DYRK1A: variants seen among roughly 807,000 people sequenced by gnomAD.
DYRK1A encodes the protein dual specificity tyrosine phosphorylation regulated kinase 1A.
DYRK1A carries 9 observed loss-of-function variants against 79.7 expected under a neutral mutation model. That is an observed-to-expected ratio of 0.11 (90% CI 0.07 to 0.20). DYRK1A has a LOEUF of 0.20. Ranked by LOEUF, DYRK1A falls within the 10% of genes least tolerant of loss-of-function variation. DYRK1A has a pLI of 1.00. For missense variants in DYRK1A, 622 were observed against 956.0 expected (o/e 0.65, Z 4.61); for synonymous variants, 349 against 329.7 (o/e 1.06, Z -0.63).
chr21:37,393,040 A>G (rs1434933818), intron 1 of DYRK1A, among the ~76,000 whole-genome samples: 3 of 152,222 alleles, frequency 2.0e-5, no homozygotes, highest in Non-Finnish European at 4.4e-5. Flanking sequence ...ACATCTTCCA[A>G]AATCCTCATC....
Position 37,514,642 on chromosome 21 carries a change from TTTG to T in DYRK1A, c.*2117_*2119del, listed in dbSNP as rs2053849912. ...TCGTTTTTATAAACTACAAAAACTT[TTTG>T]TTGTTTATCAGGAAATCCATATTTA... On this transcript the variant is annotated 3_prime_UTR_variant, in exon 12 of 12. Coordinates refer to ENST00000647188, the MANE Select transcript of DYRK1A (RefSeq NM_001347721.2). The T allele has an allele frequency of 6.6e-6, 1 of 152,636 alleles. No homozygotes were observed. Among genetic ancestry groups the T allele is most frequent in the Non-Finnish European group, 1.5e-5 (1 of 68,040 alleles). 9.5% of individuals were successfully genotyped at this position (152,636 alleles called of 1,614,324 possible). A position where few individuals can be genotyped will look rare whatever the true frequency, so the allele number is the denominator to read the frequency against.
intron 2 of DYRK1A, chr21:37,430,418 A>G: frequency 1.0e-6 from 1 of 985,118 alleles, no homozygotes; most frequent in Non-Finnish European, 1.2e-6. Context: ...ACATTTTAAA[A>G]GATGATTTAA....
At chr21:37,459,194 A>G (rs1336257408) in intron 2 of DYRK1A, among the ~76,000 whole-genome samples, 1 of 152,172 alleles carries the variant, frequency 6.6e-6, no homozygotes, top group Non-Finnish European at 1.5e-5. Flanking sequence ...CTGGCTTACC[A>G]TCTTTGATGG....
intron 1 of DYRK1A, among the ~76,000 whole-genome samples, chr21:37,401,115 G>C (rs993021262): frequency 2.6e-5 from 4 of 152,126 alleles, no homozygotes; most frequent in Non-Finnish European, 4.4e-5. Flanking sequence ...CTGCACTCCA[G>C]CTTGGGCGAC....
At chr21:37,491,356 C>CA (rs977380102) in intron 7 of DYRK1A, among the ~76,000 whole-genome samples, 1 of 152,040 alleles carries the variant, frequency 6.6e-6, no homozygotes, top group African/African-American at 2.4e-5. Context: ...TCATTTTAAG[C>CA]ACTATTCTTT....
chr21:37,492,335 A>G (rs2053123986), intron 7 of DYRK1A, among the ~76,000 whole-genome samples: 1 of 152,146 alleles, frequency 6.6e-6, no homozygotes, highest in Non-Finnish European at 1.5e-5. Flanking sequence ...TTTCTTTTCC[A>G]CTTTTAATAA....
At chr21:37,426,307 C>T (rs1276139738) in intron 2 of DYRK1A, among the ~76,000 whole-genome samples, 1 of 152,078 alleles carries the variant, frequency 6.6e-6, no homozygotes, top group Non-Finnish European at 1.5e-5. Flanking sequence ...GAGCAGTGGA[C>T]AGGGATCATA....
intron 1 of DYRK1A, among the ~76,000 whole-genome samples, chr21:37,406,671 C>T (rs960208512): frequency 9.2e-5 from 14 of 151,500 alleles, no homozygotes; most frequent in Admixed American, 2.6e-4. Context: ...CACAGCACTC[C>T]AGCCTGGGAT....
At chr21:37,440,229 G>A (rs567199801) in intron 2 of DYRK1A, among the ~76,000 whole-genome samples, 2 of 139,422 alleles carry the variant, frequency 1.4e-5, no homozygotes, top group Admixed American at 1.6e-4. Context: ...TCCGCCCCCT[G>A]GGTTCAAGTG....
At chr21:37,489,731 G>C (rs2053011856) in intron 6 of DYRK1A, among the ~76,000 whole-genome samples, 2 of 152,096 alleles carry the variant, frequency 1.3e-5, no homozygotes, top group Admixed American at 1.3e-4. Flanking sequence ...TACACAGAGG[G>C]CTGCCAACTA....
In DYRK1A at chr21:37,523,944, C is replaced by G. The variant is rs145629052; in HGVS notation, c.*11413C>G. On this transcript the variant is annotated 3_prime_UTR_variant, in exon 12 of 12. Transcript: ENST00000647188. ...CTGCCGCTCTGTGCAATGTAAATTG[C>G]AGTGACACAGTTATAACTCAGCAGC... The G allele has an allele frequency of 6.6e-6, 1 of 152,328 alleles. No homozygotes were observed. The highest frequency in any genetic ancestry group is 2.4e-5 in the African/African-American group (1 of 41,578). 9.4% of individuals were successfully genotyped at this position (152,328 alleles called of 1,614,324 possible).
At chr21:37,398,926 A>G (rs956353518) in intron 1 of DYRK1A, among the ~76,000 whole-genome samples, 22 of 150,504 alleles carry the variant, frequency 1.5e-4, no homozygotes, top group Admixed American at 5.3e-4. Context: ...TTTTTTTTAA[A>G]CCGCAGAGAG....
At chr21:37,486,639 GT>G in intron 6 of DYRK1A, 25 bp downstream of exon 6, 1 of 1,486,306 alleles carries the variant, frequency 6.7e-7, no homozygotes, top group South Asian at 1.4e-5. Flanking sequence ...AAACAGCGCA[GT>G]GTGCCCCAAC....
intron 1 of DYRK1A, chr21:37,419,052 A>G (rs2050412856): frequency 6.6e-6 from 1 of 152,226 alleles, no homozygotes. Context: ...ATTTTGAGGC[A>G]ATAAGTATAG....
chr21:37,468,562 AG>A (rs2148545994), intron 2 of DYRK1A, among the ~76,000 whole-genome samples: 1 of 152,330 alleles, frequency 6.6e-6, no homozygotes, highest in Admixed American at 6.5e-5. Flanking sequence ...ACTAGATCCA[AG>A]CATAAAGGGA....
chr21:37,404,615 A>G (rs973321419), intron 1 of DYRK1A, among the ~76,000 whole-genome samples: 2 of 152,146 alleles, frequency 1.3e-5, no homozygotes, highest in African/African-American at 4.8e-5. Context: ...CTGAGCCTCT[A>G]GTTCGTTTCA....
rs2049314305 is a variant in DYRK1A at position 37,366,779 on chromosome 21, G to T, written c.-926G>T. Among the ~76,000 whole-genome samples the T allele has an allele frequency of 6.6e-6, 1 of 152,012 alleles. No homozygotes were observed. The highest frequency in any genetic ancestry group is 2.1e-4 in the South Asian group (1 of 4,824). On this transcript the variant is annotated 5_prime_UTR_variant, in exon 1 of 12. Transcript: ENST00000647188. Reference sequence around the variant, plus strand: ...GATTGACAGTTGCTATAGCGACCGGGTCGGTCCGTCGCCATTTTGTTGGTT... The same window carrying T: ...GATTGACAGTTGCTATAGCGACCGGTTCGGTCCGTCGCCATTTTGTTGGTT...
At chr21:37,492,120 T>C (rs2053117818) in intron 7 of DYRK1A, among the ~76,000 whole-genome samples, 1 of 152,204 alleles carries the variant, frequency 6.6e-6, no homozygotes, top group Admixed American at 6.5e-5. Context: ...TATTGGCTTA[T>C]AAAAACCATG....
At chr21:37,383,407 A>G (rs1175841630) in intron 1 of DYRK1A, among the ~76,000 whole-genome samples, 2 of 152,178 alleles carry the variant, frequency 1.3e-5, no homozygotes, top group Non-Finnish European at 2.9e-5. Context: ...TGAGTTGCCT[A>G]ATACACTTTA....
Sources: allele counts gnomAD v4.1 joint callset (sites outside exome capture counted in the v4.1 genomes callset), GRCh38; gene constraint gnomAD v4.1.1; transcripts MANE v1.5; gene names NCBI Gene and HGNC (gene_info 2026-07-23, HGNC 2026-07-21).